Variants in ASB18 observed in about 807,000 individuals in gnomAD.
ASB18 encodes the protein ankyrin repeat and SOCS box protein 18.
ASB18 carries 33 observed loss-of-function variants against 33.4 expected under a neutral mutation model. The observed-to-expected ratio is 0.99, with a 90% CI of 0.75 to 1.32. ASB18 has a LOEUF of 1.32. ASB18 is among the 40% of genes most tolerant of loss of function. The pLI, the probability that ASB18 is intolerant of heterozygous loss-of-function variation, is 0.00. For missense variants in ASB18, 694 were observed against 655.5 expected (o/e 1.06, Z -0.64); for synonymous variants, 295 against 307.6 (o/e 0.96, Z 0.43).
rs1395003693 is a variant in ASB18 at position 236,226,837 on chromosome 2, T to C, written c.596+10852A>G. Reference sequence around the variant, plus strand: ...GCAGACTTGATTTTTAAAAACCTTTTTATTTTTAAATTATTTTAGATTTTC... The same window carrying C: ...GCAGACTTGATTTTTAAAAACCTTTCTATTTTTAAATTATTTTAGATTTTC... On this transcript the variant is annotated intron_variant, in intron 3 of 5. Transcript: ENST00000409749. The surrounding 1 kb of genome is among the most constrained non-coding windows in gnomAD (Gnocchi z 4.8). 6.6e-6 allele frequency among the ~76,000 whole-genome samples: 1 copy of C among 152,218 alleles called. No individual in the cohort carries two copies. The highest frequency in any genetic ancestry group is 2.4e-5 in the African/African-American group (1 of 41,458).
At position 236,203,721 on chromosome 2, in the gene ASB18, G is replaced by C. The variant is rs1262446843; in HGVS notation, c.1102-7336C>G. ...TTTCTACAAAAAATACAAAAACTTA[G>C]CTGGGTGTGATGGTGTGCATCTGTA... On this transcript the variant is annotated intron_variant, in intron 4 of 5. Coordinates refer to ENST00000409749, the MANE Select transcript of ASB18 (RefSeq NM_212556.4). The surrounding 1 kb of genome is among the most constrained non-coding windows in gnomAD (Gnocchi z 6.0). 6.6e-6 allele frequency among the ~76,000 whole-genome samples: 1 copy of C among 152,128 alleles called. No individual in the cohort carries two copies. The highest frequency in any genetic ancestry group is 1.5e-5 in the Non-Finnish European group (1 of 68,016).
chr2:236,238,619 G>GTGTGTGTGTGTGTGTC lies in ASB18; in HGVS notation c.329-664_329-663insGACACACACACACACA, dbSNP rs1481042429. ...CTTTGCGCTTTTTAGGGGTGTGTGT[G>GTGTGTGTGTGTGTGTC]TGTGTGTGTGTAGGGTTGCTCTTTC... On this transcript the variant is annotated intron_variant, in intron 2 of 5. Coordinates refer to ENST00000409749, the MANE Select transcript of ASB18 (RefSeq NM_212556.4). The surrounding 1 kb of genome is among the most constrained non-coding windows in gnomAD (Gnocchi z 5.2). 3.3e-5 allele frequency among the ~76,000 whole-genome samples: 5 copies of GTGTGTGTGTGTGTGTC among 151,804 alleles called. No individual in the cohort carries two copies. In the East Asian group the frequency reaches 5.8e-4, roughly 18 times the overall value.
rs1480051080 is a variant in ASB18 at position 236,205,240 on chromosome 2, C to T, written c.1102-8855G>A. 2.0e-5 allele frequency among the ~76,000 whole-genome samples: 3 copies of T among 152,208 alleles called. No individual in the cohort carries two copies. The highest frequency in any genetic ancestry group is 2.9e-5 in the Non-Finnish European group (2 of 68,038). ...ACAACCTGTGCCCTCTCCCTTACCACCCCTAATCTCATCTCCTACTCCCAT... is the reference window on the plus strand; with the variant it reads ...ACAACCTGTGCCCTCTCCCTTACCATCCCTAATCTCATCTCCTACTCCCAT... On this transcript the variant is annotated intron_variant, in intron 4 of 5. Transcript: ENST00000409749. The surrounding 1 kb of genome is among the most constrained non-coding windows in gnomAD (Gnocchi z 5.4).
chr2:236,236,484 T>A (rs1260491120), intron 3 of ASB18, among the ~76,000 whole-genome samples: 1 of 152,136 alleles, frequency 6.6e-6, no homozygotes, highest in African/African-American at 2.4e-5. Context: ...GTCTGCGGAA[T>A]TTATCAAATT....
In ASB18 at chr2:236,223,973, A is replaced by G. The variant is rs996157006; in HGVS notation, c.597-9107T>C. 6.6e-6 allele frequency among the ~76,000 whole-genome samples: 1 copy of G among 152,194 alleles called. No individual in the cohort carries two copies. The highest frequency in any genetic ancestry group is 2.4e-5 in the African/African-American group (1 of 41,446). ...TTTCTATTTTTTGACTATTATAAAT[A>G]AAGCTTCTATGAACGTTTTTGTATA... On this transcript the variant is annotated intron_variant, in intron 3 of 5. Coordinates refer to ENST00000409749, the MANE Select transcript of ASB18 (RefSeq NM_212556.4). This position sits in a 1 kb window ranked among gnomAD's most constrained non-coding sequence, Gnocchi z 4.6.
rs1301033106 is a variant in ASB18, at chr2:236,237,814, G to T, written c.471C>A (p.His157Gln). 4.3e-6 allele frequency: 6 copies of T among 1,382,266 alleles called. No homozygotes were observed. Among genetic ancestry groups the T allele is most frequent in the Non-Finnish European group, 5.6e-6 (6 of 1,078,532 alleles). 85.6% of individuals were successfully genotyped at this position (1,382,266 alleles called of 1,614,324 possible). The change falls in exon 3 of 6, where the codon CAC (histidine) becomes CAA (glutamine). Residue 157 changes from histidine to glutamine, a missense_variant. Coordinates refer to ENST00000409749, the MANE Select transcript of ASB18 (RefSeq NM_212556.4). The surrounding 1 kb of genome is among the most constrained non-coding windows in gnomAD (Gnocchi z 6.2). ...DASPGGRGAL[H>Q]EACLGGHTAC... The stretch of plus-strand genomic sequence containing the variant: ...CGGTGTGGCCCCCGAGGCAGGCCTC[G>T]TGCAGGGCGCCGCGGCCGCCGGGGC...
Position 236,263,319 on chromosome 2 carries a change from G to C in ASB18, c.205+822C>G, listed in dbSNP as rs181867631. Among the ~76,000 whole-genome samples, 1 of 152,130 alleles carries C rather than the reference G, an allele frequency of 6.6e-6. No homozygotes were observed. The highest frequency in any genetic ancestry group is 1.5e-5 in the Non-Finnish European group (1 of 68,022). On this transcript the variant is annotated intron_variant, in intron 1 of 5. Coordinates refer to ENST00000409749, the MANE Select transcript of ASB18 (RefSeq NM_212556.4). This position sits in a 1 kb window ranked among gnomAD's most constrained non-coding sequence, Gnocchi z 4.0. ...ATAGACAGGTCTTGCACCTGATGAG[G>C]CCTACAAAGAAAAAATCCTATGGAC... is the stretch of plus-strand genomic sequence containing the variant.
At chr2:236,197,932 G>A (rs369250442) in intron 4 of ASB18, among the ~76,000 whole-genome samples, 23 of 152,184 alleles carry the variant, frequency 1.5e-4, no homozygotes, top group Middle Eastern at 3.4e-3. Context: ...TTGTATAATC[G>A]TTCTTTCTAT....
rs1341932493 is a variant in ASB18, at chr2:236,250,320, T to TA, written c.206-8919dup. On this transcript the variant is annotated intron_variant, in intron 1 of 5. Transcript: ENST00000409749. The surrounding 1 kb of genome is among the most constrained non-coding windows in gnomAD (Gnocchi z 4.1). ...CTTTCCATGCCTTCAAGCCAAGAGGTAGAATTTTTGAGGCTGCAGGACACC... is the reference window on the plus strand; with the variant it reads ...CTTTCCATGCCTTCAAGCCAAGAGGTAAGAATTTTTGAGGCTGCAGGACACC... 6.6e-6 allele frequency: 1 copy of TA among 152,128 alleles called. No individual in the cohort carries two copies. The highest frequency in any genetic ancestry group is 2.4e-5 in the African/African-American group (1 of 41,420). 9.4% of individuals were successfully genotyped at this position (152,128 alleles called of 1,614,324 possible). A position where few individuals can be genotyped will look rare whatever the true frequency, so the allele number is the denominator to read the frequency against.
In ASB18 at chr2:236,237,421, G is replaced by GAGGT. The variant is rs2060599293; in HGVS notation, c.596+267_596+268insACCT. On this transcript the variant is annotated intron_variant, in intron 3 of 5. Transcript: ENST00000409749. This position sits in a 1 kb window ranked among gnomAD's most constrained non-coding sequence, Gnocchi z 6.2. ...GGCCGGGGCGCGGGGCGGGGGCCGG[G>GAGGT]GCCGGGGCGCGGGGCGAGGGCCGGG... Among the ~76,000 whole-genome samples the GAGGT allele has an allele frequency of 9.1e-6, 1 of 109,776 alleles. No individual in the cohort carries two copies. The highest frequency in any genetic ancestry group is 5.5e-5 in the African/African-American group (1 of 18,122). 72.0% of individuals were successfully genotyped at this position (109,776 alleles called of 152,430 possible). A position where few individuals can be genotyped will look rare whatever the true frequency, so the allele number is the denominator to read the frequency against.
intron 1 of ASB18, among the ~76,000 whole-genome samples, chr2:236,246,687 A>G (rs1378903377): frequency 1.3e-5 from 2 of 152,172 alleles, no homozygotes; most frequent in East Asian, 1.9e-4. Flanking sequence ...TCCCTTCTCA[A>G]ATGTCCACCA....
At position 236,211,556 on chromosome 2, in the gene ASB18, CG is replaced by C. The variant is rs2060458637; in HGVS notation, c.1101+2805del. Among the ~76,000 whole-genome samples, 2 of 152,242 alleles carry C rather than the reference CG, an allele frequency of 1.3e-5. No homozygotes were observed. Among genetic ancestry groups the C allele is most frequent in the African/African-American group, 4.8e-5 (2 of 41,466 alleles). On this transcript the variant is annotated intron_variant, in intron 4 of 5. Coordinates refer to ENST00000409749, the MANE Select transcript of ASB18 (RefSeq NM_212556.4). The surrounding 1 kb of genome is among the most constrained non-coding windows in gnomAD (Gnocchi z 5.0). ...CTATTCACAGTACGGCTGCTGCCCA[CG>C]GACGGCTTGCCCTGTGACAGTGCTG...
intron 3 of ASB18, among the ~76,000 whole-genome samples, chr2:236,218,830 G>T (rs1055118548): frequency 1.3e-5 from 2 of 148,474 alleles, no homozygotes; most frequent in Non-Finnish European, 3.0e-5. Flanking sequence ...AAAGAAACCA[G>T]AAATTTTTCA....
rs1343557835 is a variant in ASB18 at position 236,255,332 on chromosome 2, CGGG to C, written c.205+8806_205+8808del. ...CTAATTTATATATTTTTTGTAGAGACGGGGTTTCACCATGTTGGCCAGACTGGT... is the reference window on the plus strand; with the variant it reads ...CTAATTTATATATTTTTTGTAGAGACGTTTCACCATGTTGGCCAGACTGGT... On this transcript the variant is annotated intron_variant, in intron 1 of 5. Coordinates refer to ENST00000409749, the MANE Select transcript of ASB18 (RefSeq NM_212556.4). This position sits in a 1 kb window ranked among gnomAD's most constrained non-coding sequence, Gnocchi z 4.4. Among the ~76,000 whole-genome samples the C allele has an allele frequency of 2.6e-5, 4 of 151,958 alleles. No homozygotes were observed. The highest frequency in any genetic ancestry group is 9.7e-5 in the African/African-American group (4 of 41,384).
At position 236,260,566 on chromosome 2, in the gene ASB18, A is replaced by G. The variant is rs2060713119; in HGVS notation, c.205+3575T>C. Among the ~76,000 whole-genome samples, 1 of 152,174 alleles carries G rather than the reference A, an allele frequency of 6.6e-6. No individual in the cohort carries two copies. The highest frequency in any genetic ancestry group is 6.5e-5 in the Admixed American group (1 of 15,278). The stretch of plus-strand genomic sequence containing the variant: ...CTTGAGAAAGAGAACATTTGCTCCC[A>G]CAGGAAAAAGGAACCTATGCCCATT... On this transcript the variant is annotated intron_variant, in intron 1 of 5. Transcript: ENST00000409749. This position sits in a 1 kb window ranked among gnomAD's most constrained non-coding sequence, Gnocchi z 5.1.
Position 236,253,535 on chromosome 2 carries a change from CTTATT to C in ASB18, c.205+10601_205+10605del, listed in dbSNP as rs1374624974. Among the ~76,000 whole-genome samples the C allele has an allele frequency of 2.1e-5, 3 of 146,118 alleles. No individual in the cohort carries two copies. The highest frequency in any genetic ancestry group is 4.5e-5 in the Non-Finnish European group (3 of 66,498). On this transcript the variant is annotated intron_variant, in intron 1 of 5. Coordinates refer to ENST00000409749, the MANE Select transcript of ASB18 (RefSeq NM_212556.4). This position sits in a 1 kb window ranked among gnomAD's most constrained non-coding sequence, Gnocchi z 5.4. ...GGGACTACAGCCACTTGCTGGTTAA[CTTATT>C]ATTATTATTATTATTATTATTATTG...
At position 236,263,859 on chromosome 2, in the gene ASB18, T is replaced by C. The variant is rs951204424; in HGVS notation, c.205+282A>G. Among the ~76,000 whole-genome samples, 4 of 152,118 alleles carry C rather than the reference T, an allele frequency of 2.6e-5. No individual in the cohort carries two copies. The highest frequency in any genetic ancestry group is 4.8e-5 in the African/African-American group (2 of 41,402). On this transcript the variant is annotated intron_variant, in intron 1 of 5. Coordinates refer to ENST00000409749, the MANE Select transcript of ASB18 (RefSeq NM_212556.4). This position sits in a 1 kb window ranked among gnomAD's most constrained non-coding sequence, Gnocchi z 4.0. Reference sequence around the variant, plus strand: ...TGATATGGTTATCAGTGGGTGAAATTTACACACGCAAATGGACAGGCTTGG... The same window carrying C: ...TGATATGGTTATCAGTGGGTGAAATCTACACACGCAAATGGACAGGCTTGG...
Position 236,255,232 on chromosome 2 carries a change from C to T in ASB18, c.205+8909G>A, listed in dbSNP as rs1303260137. 1.3e-5 allele frequency among the ~76,000 whole-genome samples: 2 copies of T among 152,154 alleles called. No individual in the cohort carries two copies. Among genetic ancestry groups the T allele is most frequent in the Non-Finnish European group, 2.9e-5 (2 of 68,030 alleles). On this transcript the variant is annotated intron_variant, in intron 1 of 5. Transcript: ENST00000409749. This position sits in a 1 kb window ranked among gnomAD's most constrained non-coding sequence, Gnocchi z 4.4. ...GATCTTGGCTCACTGCAACCTCCTC[C>T]TCCCAGGTTCAAGCGATTCTCCTGC...
Position 236,262,597 on chromosome 2 carries a change from C to T in ASB18, c.205+1544G>A, listed in dbSNP as rs577792873. Among the ~76,000 whole-genome samples, 7 of 152,262 alleles carry T rather than the reference C, an allele frequency of 4.6e-5. No individual in the cohort carries two copies. Among genetic ancestry groups the T allele is most frequent in the Middle Eastern group, 3.4e-3 (1 of 294 alleles). On this transcript the variant is annotated intron_variant, in intron 1 of 5. Transcript: ENST00000409749. The surrounding 1 kb of genome is among the most constrained non-coding windows in gnomAD (Gnocchi z 5.2). ...TGATGCAGTTTGCAGAGATCAGCCT[C>T]GGGGGGGTGCTTGGGCACGGTGGGC... is the stretch of plus-strand genomic sequence containing the variant.
Sources: allele counts gnomAD v4.1 joint callset (sites outside exome capture counted in the v4.1 genomes callset), GRCh38; gene constraint gnomAD v4.1.1; non-coding constraint Gnocchi (gnomAD v3.1); transcripts MANE v1.5; gene names NCBI Gene and HGNC (gene_info 2026-07-23, HGNC 2026-07-21).